SYCP1: variants seen among roughly 807,000 people sequenced by gnomAD.
SYCP1 encodes synaptonemal complex protein 1, also known as cancer/testis antigen 8.
In SYCP1, 64 loss-of-function variants were observed where a neutral mutation model predicts 153.1. That is an observed-to-expected ratio of 0.42 (90% CI 0.34 to 0.51). The LOEUF is 0.51. Among genes scored for constraint, SYCP1 ranks in the 20% least tolerant of loss-of-function variants. SYCP1 has a pLI of 0.06. For synonymous variants in SYCP1, 384 were observed against 341.8 expected (o/e 1.12, Z -1.36); for missense variants, 997 against 1,049.0 (o/e 0.95, Z 0.68).
intron 26 of SYCP1, 48 bp downstream of exon 26, chr1:114,946,429 G>T: frequency 8.8e-7 from 1 of 1,137,166 alleles, no homozygotes; most frequent in Non-Finnish European, 1.3e-6. Flanking sequence ...CATAATGTCA[G>T]CAGTGACTGG....
intron 24 of SYCP1, 50 bp from the exon 25 acceptor site, chr1:114,944,822 T>C (rs1036514431): frequency 1.8e-5 from 23 of 1,311,724 alleles, no homozygotes; most frequent in Non-Finnish European, 2.4e-5. Flanking sequence ...CACTTGTTTG[T>C]TTTTTGTGCA....
intron 20 of SYCP1, among the ~76,000 whole-genome samples, chr1:114,914,251 T>C (rs1239340204): frequency 2.6e-5 from 4 of 151,902 alleles, no homozygotes; most frequent in African/African-American, 9.7e-5. Flanking sequence ...GTTAGTGAGA[T>C]TAGACAGAAA....
intron 30 of SYCP1, among the ~76,000 whole-genome samples, chr1:114,988,080 C>CAATA (rs1491434882): frequency 1.7e-5 from 2 of 114,646 alleles, no homozygotes; most frequent in Non-Finnish European, 3.4e-5. Context: ...TGATAAACGG[C>CAATA]AAAAAAAAAA....
At chr1:114,941,297 T>A (rs779920104) in intron 23 of SYCP1, among the ~76,000 whole-genome samples, 2 of 152,228 alleles carry the variant, frequency 1.3e-5, no homozygotes, top group Non-Finnish European at 2.9e-5. Flanking sequence ...TTATATATAA[T>A]GGAAATTGTT....
chr1:114,855,652 GT>G, intron 2 of SYCP1, 80 bp downstream of exon 2: 1 of 1,144,356 alleles, frequency 8.7e-7, no homozygotes, highest in Non-Finnish European at 1.2e-6. Context: ...TCCTGGTGGT[GT>G]TTTATAATTA....
intron 20 of SYCP1, among the ~76,000 whole-genome samples, chr1:114,919,701 T>G (rs1668737979): frequency 6.6e-6 from 1 of 152,056 alleles, no homozygotes; most frequent in Non-Finnish European, 1.5e-5. Context: ...TGTTCAGGTT[T>G]TAGATTTCTT....
chr1:114,943,317 T>C (rs1054968484), intron 23 of SYCP1, among the ~76,000 whole-genome samples: 1 of 151,902 alleles, frequency 6.6e-6, no homozygotes, highest in Non-Finnish European at 1.5e-5. Flanking sequence ...CACTATTGTG[T>C]GTGTACCAGT....
chr1:114,905,307 A>T (rs79864550), intron 16 of SYCP1, among the ~76,000 whole-genome samples: 2,386 of 152,292 alleles, frequency 0.016, 65 homozygotes, highest in African/African-American at 0.054. Flanking sequence ...TTTCTTGGAA[A>T]CATTTAATAG....
At chr1:114,927,201 AAATT>A (rs906801783) in intron 23 of SYCP1, among the ~76,000 whole-genome samples, 1 of 111,034 alleles carries the variant, frequency 9.0e-6, no homozygotes, top group African/African-American at 2.7e-5. Flanking sequence ...ATGTGATTAA[AAATT>A]AAGTAAGGAT....
chr1:114,978,838 A>AACCATTCTGC (rs1194310511), intron 28 of SYCP1, among the ~76,000 whole-genome samples: 12 of 151,724 alleles, frequency 7.9e-5, no homozygotes, highest in African/African-American at 2.7e-4. Flanking sequence ...TTATAATCAT[A>AACCATTCTGC]ATAAAATTAT....
intron 15 of SYCP1, among the ~76,000 whole-genome samples, chr1:114,891,326 A>G (rs1050392985): frequency 1.3e-5 from 2 of 152,188 alleles, no homozygotes; most frequent in Admixed American, 1.3e-4. Context: ...TAGCTTGAGA[A>G]TCAGTCCTTT....
intron 12 of SYCP1, among the ~76,000 whole-genome samples, chr1:114,883,411 G>C (rs145609905): frequency 1.3e-5 from 2 of 152,194 alleles, no homozygotes; most frequent in African/African-American, 4.8e-5. Flanking sequence ...TCTGTTCATG[G>C]TGCTTTGTTT....
Position 114,941,322 on chromosome 1 carries a change from C to T in SYCP1, c.1927-3017C>T, listed in dbSNP as rs186074264. ...TGGAAATTGTTGTTAAAACAAGATA[C>T]CTCCTTTATCTCTAGTAGAGATAAA... On this transcript the variant is annotated intron_variant, in intron 23 of 31. Coordinates refer to ENST00000369522, the MANE Select transcript of SYCP1 (RefSeq NM_003176.4). Among the ~76,000 whole-genome samples, 5 of 152,052 alleles carry T rather than the reference C, an allele frequency of 3.3e-5. No homozygotes were observed. The East Asian group carries it at 5.8e-4, about 18-fold the overall frequency.
At position 114,926,267 on chromosome 1, in the gene SYCP1, C is replaced by G; in HGVS notation, c.1801-11C>G. 6.7e-7 allele frequency: 1 copy of G among 1,490,100 alleles called. No individual in the cohort carries two copies. Among genetic ancestry groups the G allele is most frequent in the South Asian group, 1.4e-5 (1 of 72,492 alleles). 92.3% of individuals were successfully genotyped at this position (1,490,100 alleles called of 1,614,324 possible). A position where few individuals can be genotyped will look rare whatever the true frequency, so the allele number is the denominator to read the frequency against. On this transcript the variant is annotated splice_polypyrimidine_tract_variant and intron_variant, in intron 21 of 31. Coordinates refer to ENST00000369522, the MANE Select transcript of SYCP1 (RefSeq NM_003176.4). ...TGAATAAAATAGCTATAATTTCTCA[C>G]AATTTTTTAGTGTAACAATTTAAGG...
At chr1:114,954,547 T>TGCTA (rs1671313206) in intron 27 of SYCP1, among the ~76,000 whole-genome samples, 1 of 148,334 alleles carries the variant, frequency 6.7e-6, no homozygotes, top group African/African-American at 2.5e-5. Flanking sequence ...TCAGTATGCT[T>TGCTA]TTTATTTATT....
At chr1:114,950,684 T>C (rs1570842645) in intron 27 of SYCP1, among the ~76,000 whole-genome samples, 1 of 152,148 alleles carries the variant, frequency 6.6e-6, no homozygotes, top group East Asian at 1.9e-4. Context: ...TTCTTTATGC[T>C]GTAAAATATA....
At chr1:114,875,670 C>G (rs967443293) in intron 9 of SYCP1, among the ~76,000 whole-genome samples, 1 of 152,028 alleles carries the variant, frequency 6.6e-6, no homozygotes, top group Non-Finnish European at 1.5e-5. Context: ...TGTTGAATGC[C>G]GAATGAACAC....
At chr1:114,950,525 T>C (rs575148066) in intron 27 of SYCP1, among the ~76,000 whole-genome samples, 1 of 152,156 alleles carries the variant, frequency 6.6e-6, no homozygotes, top group Admixed American at 6.6e-5. Flanking sequence ...TTTACTGTTT[T>C]TCCATCTGCT....
At chr1:114,923,617 A>T (rs1669049492) in intron 21 of SYCP1, 87 bp downstream of exon 21, 1 of 1,276,512 alleles carries the variant, frequency 7.8e-7, no homozygotes, top group Non-Finnish European at 1.0e-6. Context: ...AAAGGGAAGT[A>T]TACTGTTGTA....
Sources: gnomAD v4.1 joint callset for allele counts (sites outside exome capture counted in the v4.1 genomes callset) on GRCh38, gnomAD v4.1.1 for gene constraint, MANE v1.5 for transcripts, NCBI Gene and HGNC (gene_info 2026-07-23, HGNC 2026-07-21) for gene names.